EXOC4: variants seen among roughly 807,000 people sequenced by gnomAD.
EXOC4 encodes the protein SEC8-like 1.
EXOC4 carries 71 observed loss-of-function variants against 107.2 expected under a neutral mutation model. The observed-to-expected ratio is 0.66, with a 90% confidence interval of 0.55 to 0.81. The LOEUF (loss-of-function observed/expected upper bound fraction) is 0.81. Among genes scored for constraint, EXOC4 ranks in the 30% least tolerant of loss-of-function variants. The probability of loss-of-function intolerance (pLI) is 0.00; values close to 1 mark genes in which losing one functional copy is unlikely to be tolerated. For synonymous variants in EXOC4, 456 were observed against 441.2 expected, an observed-to-expected ratio of 1.03 and a Z score of -0.42; for missense variants, 1,108 against 1,189.6, an observed-to-expected ratio of 0.93 and a Z score of 1.01.
intron 9 of EXOC4, among the ~76,000 whole-genome samples, chr7:133,575,870 G>A (rs1464863363): frequency 6.6e-6 from 1 of 152,038 alleles, no homozygotes; most frequent in Non-Finnish European, 1.5e-5. Context: ...GCATTCCTCA[G>A]TTCTGATTTC....
intron 10 of EXOC4, among the ~76,000 whole-genome samples, chr7:133,769,826 A>G (rs1214245995): frequency 1.3e-5 from 2 of 151,886 alleles, no homozygotes; most frequent in Non-Finnish European, 2.9e-5. Context: ...TTTGGAGGCT[A>G]TTAGCAATCA....
chr7:133,641,166 G>C (rs1248653877), intron 10 of EXOC4, among the ~76,000 whole-genome samples: 1 of 152,198 alleles, frequency 6.6e-6, no homozygotes, highest in African/African-American at 2.4e-5. Flanking sequence ...ACCCAATTGA[G>C]AGACCCTAAC....
At chr7:133,441,897 C>T (rs1798114256) in intron 7 of EXOC4, among the ~76,000 whole-genome samples, 1 of 152,174 alleles carries the variant, frequency 6.6e-6, no homozygotes, top group Non-Finnish European at 1.5e-5. Context: ...TACAACATCC[C>T]TGCTGGTGCT....
rs534981547 is a variant in EXOC4, at chr7:133,581,714, C to T, written c.1418-48331C>T. Reference sequence around the variant, plus strand: ...CAGAGCTTGCAGTGAGCCGGGATAGCGCCACTGCAGTCCAGCTTGGGCGAA... The same window carrying T: ...CAGAGCTTGCAGTGAGCCGGGATAGTGCCACTGCAGTCCAGCTTGGGCGAA... On this transcript the variant is annotated intron_variant, in intron 9 of 17. Transcript: ENST00000253861. Among the ~76,000 whole-genome samples the T allele has an allele frequency of 1.5e-4, 20 of 137,186 alleles. No individual in the cohort carries two copies. The East Asian group carries it at 4.2e-3, about 29-fold the overall frequency. 90.0% of individuals were successfully genotyped at this position (137,186 alleles called of 152,430 possible).
intron 17 of EXOC4, among the ~76,000 whole-genome samples, chr7:134,014,402 C>CA (rs1190390504): frequency 1.3e-4 from 19 of 150,260 alleles, no homozygotes; most frequent in Admixed American, 8.6e-4. Context: ...GACTCCGTCT[C>CA]AAAAAAAAAG....
intron 10 of EXOC4, among the ~76,000 whole-genome samples, chr7:133,807,504 C>T (rs964451931): frequency 2.6e-5 from 4 of 151,888 alleles, no homozygotes; most frequent in Middle Eastern, 3.4e-3. Context: ...ATATTTAATA[C>T]GTGACACATA....
chr7:133,998,347 C>A (rs1442688010), intron 15 of EXOC4, among the ~76,000 whole-genome samples: 3 of 152,122 alleles, frequency 2.0e-5, no homozygotes, highest in African/African-American at 7.2e-5. Context: ...GCATAGTGGG[C>A]AGTTGCCAAG....
intron 17 of EXOC4, among the ~76,000 whole-genome samples, chr7:134,057,540 T>C (rs781732868): frequency 1.3e-5 from 2 of 152,184 alleles, no homozygotes; most frequent in Non-Finnish European, 2.9e-5. Context: ...TTTAAGCTCT[T>C]CGAAGGGGAA....
chr7:133,334,446 A>G (rs866269669), intron 5 of EXOC4, among the ~76,000 whole-genome samples: 23 of 152,190 alleles, frequency 1.5e-4, no homozygotes, highest in African/African-American at 5.1e-4. Flanking sequence ...TATCCTGGAA[A>G]TCATTCTGTA....
intron 10 of EXOC4, among the ~76,000 whole-genome samples, chr7:133,738,652 CATTTTTAGGGAATATG>C (rs1367685739): frequency 6.6e-6 from 1 of 152,254 alleles, no homozygotes; most frequent in East Asian, 1.9e-4. Context: ...TTGAAAACAT[CATTTTTAGGGAATATG>C]ATTTAAAATA....
intron 11 of EXOC4, among the ~76,000 whole-genome samples, chr7:133,840,602 C>A (rs1442632577): frequency 6.6e-6 from 1 of 151,952 alleles, no homozygotes. Context: ...CCTGCCTCAG[C>A]CTCTTGAGTA....
At chr7:133,403,911 C>G (rs1006398775) in intron 7 of EXOC4, among the ~76,000 whole-genome samples, 3 of 152,070 alleles carry the variant, frequency 2.0e-5, no homozygotes, top group African/African-American at 7.2e-5. Context: ...ACAGTTCTAC[C>G]TCTCTCTGTC....
intron 9 of EXOC4, among the ~76,000 whole-genome samples, chr7:133,496,012 T>G (rs537659168): frequency 1.3e-5 from 2 of 152,248 alleles, no homozygotes; most frequent in African/African-American, 4.8e-5. Context: ...TCTTTTTTTT[T>G]AAAGAAAAAG....
In EXOC4 at chr7:133,897,848, T is replaced by C. The variant is rs532166100; in HGVS notation, c.1871+2113T>C. On this transcript the variant is annotated intron_variant, in intron 12 of 17. Coordinates refer to ENST00000253861, the MANE Select transcript of EXOC4 (RefSeq NM_021807.4). ...TCTCATACTTCTCTTTGTGTGTCTT[T>C]GTGCTGCAGACATTTAAAATCTACT... Among the ~76,000 whole-genome samples the C allele has an allele frequency of 1.0e-3, 156 of 152,300 alleles. No homozygotes were observed. The South Asian group carries it at 0.018, about 18-fold the overall frequency.
At chr7:133,823,915 A>T (rs1797633216) in intron 11 of EXOC4, among the ~76,000 whole-genome samples, 1 of 67,550 alleles carries the variant, frequency 1.5e-5, no homozygotes, top group East Asian at 4.5e-4. Context: ...ATATATAAAT[A>T]TATATATAAA....
chr7:133,922,704 C>T (rs893632216), intron 13 of EXOC4, among the ~76,000 whole-genome samples: 28 of 152,052 alleles, frequency 1.8e-4, no homozygotes, highest in Admixed American at 7.2e-4. Flanking sequence ...AAAAATTAGC[C>T]GGGTGTGGTG....
At chr7:133,857,859 C>T (rs545873805) in intron 11 of EXOC4, among the ~76,000 whole-genome samples, 4 of 152,188 alleles carry the variant, frequency 2.6e-5, no homozygotes, top group African/African-American at 4.8e-5. Flanking sequence ...CACAGCTCGG[C>T]GGATCGGGCG....
At chr7:133,323,198 T>G (rs1795155395) in intron 5 of EXOC4, among the ~76,000 whole-genome samples, 1 of 152,176 alleles carries the variant, frequency 6.6e-6, no homozygotes, top group African/African-American at 2.4e-5. Flanking sequence ...TTGAATACCC[T>G]TTATTTCCTT....
intron 10 of EXOC4, among the ~76,000 whole-genome samples, chr7:133,786,792 G>A (rs1351859711): frequency 1.3e-5 from 2 of 152,290 alleles, no homozygotes; most frequent in South Asian, 2.1e-4. Context: ...GAAGACTTAT[G>A]GTTTAAGTAT....
Sources: gnomAD v4.1 joint callset for allele counts (sites outside exome capture counted in the v4.1 genomes callset) on GRCh38, gnomAD v4.1.1 for gene constraint, MANE v1.5 for transcripts, NCBI Gene and HGNC (gene_info 2026-07-23, HGNC 2026-07-21) for gene names.